Variants in LRP1B observed in about 807,000 individuals in gnomAD.
The protein encoded by LRP1B is low-density lipoprotein receptor-related protein 1B.
A neutral mutation model predicts 556.6 loss-of-function variants in LRP1B; 217 were observed. The ratio of observed to expected loss-of-function variants is 0.39; its 90% CI spans 0.35 to 0.44. The LOEUF is 0.44. Ranked by LOEUF, LRP1B falls within the 20% of genes least tolerant of loss-of-function variation. LRP1B has a pLI of 1.00. For synonymous variants in LRP1B, 2,047 were observed against 1,865.8 expected, an observed-to-expected ratio of 1.10 and a Z score of -2.50; for missense variants, 5,053 against 5,620.8, an observed-to-expected ratio of 0.90 and a Z score of 3.23.
At chr2:140,835,567 C>T (rs139833024) in intron 31 of LRP1B, among the ~76,000 whole-genome samples, 15 of 152,114 alleles carry the variant, frequency 9.9e-5, no homozygotes, top group East Asian at 5.8e-4. Flanking sequence ...GATGAAGTTT[C>T]GCTCTTGTTG....
intron 2 of LRP1B, among the ~76,000 whole-genome samples, chr2:141,600,144 T>C (rs1308181120): frequency 2.6e-5 from 4 of 152,114 alleles, no homozygotes; most frequent in Non-Finnish European, 5.9e-5. Flanking sequence ...GTATAAATAG[T>C]GATCAATTCC....
In LRP1B at chr2:140,822,818, A is replaced by C. The variant is rs1356919397; in HGVS notation, c.5210-9012T>G. ...GGCACAGCATAATGGTTAAGATTTC[A>C]TATGGTTTTAGAAGCAAATAAACTT... On this transcript the variant is annotated intron_variant, in intron 31 of 90. Transcript: ENST00000389484. 3.9e-5 allele frequency among the ~76,000 whole-genome samples: 6 copies of C among 152,334 alleles called. No individual in the cohort carries two copies. The East Asian group carries it at 1.2e-3, about 29-fold the overall frequency.
intron 41 of LRP1B, among the ~76,000 whole-genome samples, chr2:140,613,431 TTATATACATATAAA>T (rs990265083): frequency 6.9e-6 from 1 of 144,006 alleles, no homozygotes; most frequent in African/African-American, 2.5e-5. Flanking sequence ...ATATATATAA[TTATATACATATAAA>T]TATATATATA....
chr2:141,421,361 T>C (rs1194412131), intron 3 of LRP1B, among the ~76,000 whole-genome samples: 2 of 151,776 alleles, frequency 1.3e-5, no homozygotes, highest in East Asian at 1.9e-4. Context: ...ACCCCGTCTC[T>C]ACTAAAAATA....
At position 141,712,836 on chromosome 2, in the gene LRP1B, A is replaced by ATTTTTTTT. The variant is rs1192189235; in HGVS notation, c.205+97435_205+97442dup. On this transcript the variant is annotated intron_variant, in intron 2 of 90. Transcript: ENST00000389484. ...AGGTGCCTGCCACCATGCCCAGCTA[A>ATTTTTTTT]TTTTTTTTTTTTTTTTTTTTTTTAG... Among the ~76,000 whole-genome samples, 132 of 103,334 alleles carry ATTTTTTTT rather than the reference A, an allele frequency of 1.3e-3. 5 individuals carry two copies. The highest frequency in any genetic ancestry group is 4.9e-3 in the East Asian group (17 of 3,492). 67.8% of individuals were successfully genotyped at this position (103,334 alleles called of 152,430 possible). A position where few individuals can be genotyped will look rare whatever the true frequency, so the allele number is the denominator to read the frequency against.
At chr2:141,419,685 A>G (rs965943089) in intron 3 of LRP1B, among the ~76,000 whole-genome samples, 2 of 151,834 alleles carry the variant, frequency 1.3e-5, no homozygotes, top group African/African-American at 2.4e-5. Flanking sequence ...AGATTTGTCA[A>G]TTTCGGTGAT....
chr2:141,694,752 C>T (rs1691674064), intron 2 of LRP1B, among the ~76,000 whole-genome samples: 1 of 151,546 alleles, frequency 6.6e-6, no homozygotes, highest in African/African-American at 2.4e-5. Flanking sequence ...CAAAAATTAA[C>T]AGGAAAGGAG....
chr2:140,371,424 G>A, intron 69 of LRP1B, 139 bp from the exon 70 acceptor site: 1 of 387,862 alleles, frequency 2.6e-6, no homozygotes, highest in East Asian at 4.1e-5. Flanking sequence ...TTAATGACTG[G>A]TATTACAGAT....
rs144433103 is a variant in LRP1B at position 141,351,642 on chromosome 2, C to G, written c.344-97001G>C. ...TCACTATCAATACAACAACCACTAT[C>G]AATACAATTCAGACCCCTTTTTAGC... On this transcript the variant is annotated intron_variant, in intron 3 of 90. Transcript: ENST00000389484. Among the ~76,000 whole-genome samples, 394 of 152,100 alleles carry G rather than the reference C, an allele frequency of 2.6e-3. 3 individuals carry two copies. Among genetic ancestry groups the G allele is most frequent in the African/African-American group, 9.0e-3 (374 of 41,492 alleles).
At position 142,120,367 on chromosome 2, in the gene LRP1B, C is replaced by T. The variant is rs148388058; in HGVS notation, c.82+10281G>A. Among the ~76,000 whole-genome samples, 1,144 of 152,312 alleles carry T rather than the reference C, an allele frequency of 7.5e-3. 20 individuals are homozygous for T. The highest frequency in any genetic ancestry group is 0.026 in the African/African-American group (1,073 of 41,558). On this transcript the variant is annotated intron_variant, in intron 1 of 90. Coordinates refer to ENST00000389484, the MANE Select transcript of LRP1B (RefSeq NM_018557.3). The stretch of plus-strand genomic sequence containing the variant: ...CTTCAGGTGATCTGCCCACCTCAGA[C>T]TCCCAAAGTGCTGGGATTACAGGCG...
At chr2:140,649,213 C>T (rs1684589483) in intron 41 of LRP1B, among the ~76,000 whole-genome samples, 1 of 152,146 alleles carries the variant, frequency 6.6e-6, no homozygotes, top group Admixed American at 6.5e-5. Context: ...TAGTGATTTC[C>T]TACCTAATTC....
At chr2:141,751,568 A>G (rs1035453588) in intron 2 of LRP1B, among the ~76,000 whole-genome samples, 6 of 152,238 alleles carry the variant, frequency 3.9e-5, no homozygotes, top group African/African-American at 1.4e-4. Context: ...TAAGCAGAGC[A>G]AACTAGTCAT....
At chr2:141,970,122 GATT>G (rs1701688304) in intron 1 of LRP1B, among the ~76,000 whole-genome samples, 1 of 151,388 alleles carries the variant, frequency 6.6e-6, no homozygotes, top group Admixed American at 6.6e-5. Flanking sequence ...TTTAAAATCA[GATT>G]ATTTGTTTTC....
At chr2:141,572,763 A>G (rs1156887090) in intron 2 of LRP1B, among the ~76,000 whole-genome samples, 3 of 152,086 alleles carry the variant, frequency 2.0e-5, no homozygotes, top group Non-Finnish European at 2.9e-5. Context: ...AAAGCAAAAC[A>G]AACAAACAAA....
At chr2:141,484,513 A>G (rs1027233363) in intron 2 of LRP1B, among the ~76,000 whole-genome samples, 13 of 152,008 alleles carry the variant, frequency 8.6e-5, no homozygotes, top group Admixed American at 1.3e-4. Flanking sequence ...GTCATTGGTA[A>G]CTTGATGGGG....
chr2:141,641,241 T>C (rs545052099), intron 2 of LRP1B, among the ~76,000 whole-genome samples: 9 of 152,136 alleles, frequency 5.9e-5, no homozygotes, highest in Non-Finnish European at 1.0e-4. Context: ...CCAGCAATGA[T>C]AATTGCATCA....
At chr2:141,919,543 A>C (rs763591258) in intron 1 of LRP1B, among the ~76,000 whole-genome samples, 7 of 152,058 alleles carry the variant, frequency 4.6e-5, no homozygotes, top group Non-Finnish European at 7.4e-5. Flanking sequence ...ATTTATGTGA[A>C]ACAGGTGTCA....
intron 11 of LRP1B, among the ~76,000 whole-genome samples, chr2:141,032,515 T>C (rs1322976041): frequency 2.6e-5 from 4 of 152,090 alleles, no homozygotes; most frequent in Non-Finnish European, 5.9e-5. Flanking sequence ...TCTTTCATTC[T>C]TTAATCTGAT....
intron 41 of LRP1B, among the ~76,000 whole-genome samples, chr2:140,614,692 C>A (rs956921969): frequency 6.6e-6 from 1 of 152,032 alleles, no homozygotes; most frequent in Non-Finnish European, 1.5e-5. Flanking sequence ...TGTAATTGAG[C>A]ATTTATTGAG....
Sources: allele counts gnomAD v4.1 joint callset (sites outside exome capture counted in the v4.1 genomes callset), GRCh38; gene constraint gnomAD v4.1.1; transcripts MANE v1.5; gene names NCBI Gene and HGNC (gene_info 2026-07-23, HGNC 2026-07-21).